DCUN1D3: variants seen among roughly 807,000 people sequenced by gnomAD.
DCUN1D3 encodes defective in cullin neddylation 1 domain containing 3, also known as DCN1-like protein 3.
In DCUN1D3, 6 loss-of-function variants were observed where a neutral mutation model predicts 24.8. That is an observed-to-expected ratio of 0.24 (90% CI 0.13 to 0.48). DCUN1D3 has a LOEUF of 0.48. DCUN1D3 is among the 20% of genes least tolerant of loss of function. DCUN1D3 has a pLI of 0.99. For synonymous variants in DCUN1D3, 120 were observed against 144.9 expected, an observed-to-expected ratio of 0.83 and a Z score of 1.24; for missense variants, 258 against 379.4, an observed-to-expected ratio of 0.68 and a Z score of 2.66.
intron 1 of DCUN1D3, among the ~76,000 whole-genome samples, chr16:20,882,082 T>C (rs911382691): frequency 5.3e-5 from 8 of 152,028 alleles, no homozygotes; most frequent in Non-Finnish European, 7.4e-5. Flanking sequence ...ATTACAGGCA[T>C]GAGCCACCGT....
At position 20,859,309 on chromosome 16, in the gene DCUN1D3, G is replaced by T. The variant is rs2081716884; in HGVS notation, c.*577C>A. On this transcript the variant is annotated 3_prime_UTR_variant, in exon 3 of 3. Coordinates refer to ENST00000324344, the MANE Select transcript of DCUN1D3 (RefSeq NM_173475.4). ...CTTGGCTCTCCAAGAGCTCTAAATCGCCTGGGAATTAATGCAATGTGGTTA... is the reference window on the plus strand; with the variant it reads ...CTTGGCTCTCCAAGAGCTCTAAATCTCCTGGGAATTAATGCAATGTGGTTA... The T allele has an allele frequency of 6.6e-6, 1 of 152,626 alleles. No individual in the cohort carries two copies. Among genetic ancestry groups the T allele is most frequent in the East Asian group, 1.9e-4 (1 of 5,180 alleles). 9.5% of individuals were successfully genotyped at this position (152,626 alleles called of 1,614,324 possible). A position where few individuals can be genotyped will look rare whatever the true frequency, so the allele number is the denominator to read the frequency against.
chr16:20,857,444 G>A lies in DCUN1D3; in HGVS notation c.*2442C>T, dbSNP rs904084684. On this transcript the variant is annotated 3_prime_UTR_variant, in exon 3 of 3. Coordinates refer to ENST00000324344, the MANE Select transcript of DCUN1D3 (RefSeq NM_173475.4). Reference sequence around the variant, plus strand: ...AACCTAGTTTCTCCAGAGTACTCAGGGTCCTGGGCTGCCTGCCTCTTTTGT... The same window carrying A: ...AACCTAGTTTCTCCAGAGTACTCAGAGTCCTGGGCTGCCTGCCTCTTTTGT... The A allele has an allele frequency of 1.3e-5, 2 of 152,178 alleles. No homozygotes were observed. The highest frequency in any genetic ancestry group is 1.3e-4 in the Admixed American group (2 of 15,274). The allele number at this position is 152,178 out of a possible 1,614,324, so 9.4% of individuals were successfully genotyped here.
In DCUN1D3 at chr16:20,860,585, C is replaced by T. The variant is rs1432179441; in HGVS notation, c.432-216G>A. Among the ~76,000 whole-genome samples, 1 of 152,214 alleles carries T rather than the reference C, an allele frequency of 6.6e-6. No homozygotes were observed. Among genetic ancestry groups the T allele is most frequent in the Non-Finnish European group, 1.5e-5 (1 of 68,046 alleles). ...GAGGACTAAACAAATTACTATTCTG[C>T]TTCTAACAGTGCCTGGCACACGGTT... On this transcript the variant is annotated intron_variant, in intron 2 of 2. Transcript: ENST00000324344. This position sits in a 1 kb window ranked among gnomAD's most constrained non-coding sequence, Gnocchi z 4.3.
Position 20,856,972 on chromosome 16 carries a change from T to C in DCUN1D3, c.*2914A>G, listed in dbSNP as rs1325027662. 2 of 152,218 alleles carry C rather than the reference T, an allele frequency of 1.3e-5. No homozygotes were observed. The highest frequency in any genetic ancestry group is 1.5e-5 in the Non-Finnish European group (1 of 68,040). The allele number at this position is 152,218 out of a possible 1,614,324, so 9.4% of individuals were successfully genotyped here. A position where few individuals can be genotyped will look rare whatever the true frequency, so the allele number is the denominator to read the frequency against. On this transcript the variant is annotated 3_prime_UTR_variant, in exon 3 of 3. Coordinates refer to ENST00000324344, the MANE Select transcript of DCUN1D3 (RefSeq NM_173475.4). The stretch of plus-strand genomic sequence containing the variant: ...GCTAAGCAAGGAGTGTACTGGCTTA[T>C]CTGAGGGGCATGCATTCAGCCTCTT...
chr16:20,879,957 A>C (rs1596636049), intron 1 of DCUN1D3, among the ~76,000 whole-genome samples: 1 of 152,236 alleles, frequency 6.6e-6, no homozygotes, highest in South Asian at 2.1e-4. Context: ...AAGTCAACCT[A>C]ATAATCTTAA....
At chr16:20,896,225 T>C (rs2081915331) in intron 1 of DCUN1D3, 1 of 152,194 alleles carries the variant, frequency 6.6e-6, no homozygotes, top group African/African-American at 2.4e-5. Flanking sequence ...AACCCCACTG[T>C]AAATCAAAGA....
At chr16:20,863,505 C>T (rs1424626721) in intron 1 of DCUN1D3, among the ~76,000 whole-genome samples, 1 of 152,096 alleles carries the variant, frequency 6.6e-6, no homozygotes, top group Non-Finnish European at 1.5e-5. Flanking sequence ...TTTTGGGAGG[C>T]AAGGTGGGTG....
chr16:20,856,942 C>T lies in DCUN1D3; in HGVS notation c.*2944G>A, dbSNP rs2081705454. 1 of 152,232 alleles carries T rather than the reference C, an allele frequency of 6.6e-6. No homozygotes were observed. The highest frequency in any genetic ancestry group is 1.5e-5 in the Non-Finnish European group (1 of 68,044). The allele number at this position is 152,232 out of a possible 1,614,324, so 9.4% of individuals were successfully genotyped here. ...CCCCTCTCCACATCACCCTGATGTT[C>T]TGTTGCTAAGCAAGGAGTGTACTGG... On this transcript the variant is annotated 3_prime_UTR_variant, in exon 3 of 3. Coordinates refer to ENST00000324344, the MANE Select transcript of DCUN1D3 (RefSeq NM_173475.4).
chr16:20,885,260 G>C (rs1395111139), intron 1 of DCUN1D3, among the ~76,000 whole-genome samples: 1 of 152,180 alleles, frequency 6.6e-6, no homozygotes, highest in Non-Finnish European at 1.5e-5. Context: ...ACAGGTGTGA[G>C]CCATTGCACC....
At chr16:20,886,633 T>C (rs761250773) in intron 1 of DCUN1D3, among the ~76,000 whole-genome samples, 1 of 152,232 alleles carries the variant, frequency 6.6e-6, no homozygotes, top group Non-Finnish European at 1.5e-5. Context: ...TCCCTAGTTT[T>C]AAACCTTACA....
intron 1 of DCUN1D3, among the ~76,000 whole-genome samples, chr16:20,883,510 C>T (rs953865596): frequency 2.0e-5 from 3 of 150,854 alleles, no homozygotes; most frequent in South Asian, 2.1e-4. Context: ...GCAACTCCAT[C>T]TCAAAAAAAA....
At chr16:20,880,629 A>AAC (rs60573686) in intron 1 of DCUN1D3, among the ~76,000 whole-genome samples, 2 of 128,150 alleles carry the variant, frequency 1.6e-5, no homozygotes, top group Non-Finnish European at 3.3e-5. Context: ...AAAAAAAAAA[A>AAC]CAGAAAAAAG....
chr16:20,877,006 T>A (rs958145005), intron 1 of DCUN1D3, among the ~76,000 whole-genome samples: 1 of 151,968 alleles, frequency 6.6e-6, no homozygotes, highest in Non-Finnish European at 1.5e-5. Flanking sequence ...CAAACAGAAG[T>A]AAGACCTAGC....
In DCUN1D3 at chr16:20,859,603, C is replaced by T; in HGVS notation, c.*283G>A. 1 of 234,834 alleles carries T rather than the reference C, an allele frequency of 4.3e-6. No individual in the cohort carries two copies. The highest frequency in any genetic ancestry group is 7.7e-6 in the Non-Finnish European group (1 of 129,480). 14.5% of individuals were successfully genotyped at this position (234,834 alleles called of 1,614,324 possible). A position where few individuals can be genotyped will look rare whatever the true frequency, so the allele number is the denominator to read the frequency against. On this transcript the variant is annotated 3_prime_UTR_variant, in exon 3 of 3. Coordinates refer to ENST00000324344, the MANE Select transcript of DCUN1D3 (RefSeq NM_173475.4). ...AAACCTAAATTTGTGCAAGAAATGG[C>T]AGGCTTATTCTATCTGAAGGCTTCA...
intron 1 of DCUN1D3, among the ~76,000 whole-genome samples, chr16:20,886,344 T>A (rs2081868291): frequency 6.6e-6 from 1 of 152,188 alleles, no homozygotes; most frequent in Non-Finnish European, 1.5e-5. Context: ...CTTCAGCCAT[T>A]CATATCCCAT....
rs1490258392 is a variant in DCUN1D3, at chr16:20,856,488, A to G, written c.*3398T>C. 1 of 152,230 alleles carries G rather than the reference A, an allele frequency of 6.6e-6. No homozygotes were observed. The highest frequency in any genetic ancestry group is 1.5e-5 in the Non-Finnish European group (1 of 68,074). 9.4% of individuals were successfully genotyped at this position (152,230 alleles called of 1,614,324 possible). On this transcript the variant is annotated 3_prime_UTR_variant, in exon 3 of 3. Coordinates refer to ENST00000324344, the MANE Select transcript of DCUN1D3 (RefSeq NM_173475.4). ...TTTGTGCTTTCCTTGGGGAAGTTTA[A>G]TATTGAAAACACTGCCTTGTACATT...
In DCUN1D3 at chr16:20,886,755, T is replaced by C. The variant is rs146125224; in HGVS notation, c.-106+13449A>G. ...AGAAAAGCAGCTTTAAAAGGACTGA[T>C]ACACTCTTTGTTCTTTGCTTCTGCT... is the stretch of plus-strand genomic sequence containing the variant. On this transcript the variant is annotated intron_variant, in intron 1 of 2. Coordinates refer to ENST00000324344, the MANE Select transcript of DCUN1D3 (RefSeq NM_173475.4). Among the ~76,000 whole-genome samples, 229 of 152,354 alleles carry C rather than the reference T, an allele frequency of 1.5e-3. 1 individual carries two copies. Among genetic ancestry groups the C allele is most frequent in the African/African-American group, 5.3e-3 (221 of 41,588 alleles).
At chr16:20,899,902 AG>A (rs1055192958) in intron 1 of DCUN1D3, 17 of 152,474 alleles carry the variant, frequency 1.1e-4, no homozygotes, top group African/African-American at 4.1e-4. Context: ...GCGCTCACCC[AG>A]GACAGAGGAC....
intron 2 of DCUN1D3, among the ~76,000 whole-genome samples, chr16:20,861,707 G>C (rs566670099): frequency 1.3e-5 from 2 of 150,836 alleles, no homozygotes; most frequent in Non-Finnish European, 2.9e-5. Flanking sequence ...GCTATGATAG[G>C]CCTGAAATTT....
Sources: allele counts gnomAD v4.1 joint callset (sites outside exome capture counted in the v4.1 genomes callset), GRCh38; gene constraint gnomAD v4.1.1; non-coding constraint Gnocchi (gnomAD v3.1); transcripts MANE v1.5; gene names NCBI Gene and HGNC (gene_info 2026-07-23, HGNC 2026-07-21).